ATG10: variants seen among roughly 807,000 people sequenced by gnomAD.
The protein encoded by ATG10 is ubiquitin-like-conjugating enzyme ATG10.
ATG10 carries 30 observed loss-of-function variants against 32.1 expected under a neutral mutation model. The ratio of observed to expected loss-of-function variants is 0.94; its 90% CI spans 0.70 to 1.27. The LOEUF (loss-of-function observed/expected upper bound fraction) is 1.27, where lower values mean the gene tolerates loss of function less well. Among genes scored for constraint, ATG10 ranks in the 50% most tolerant of loss-of-function variants. ATG10 has a pLI of 0.00. For synonymous variants in ATG10, 87 were observed against 91.5 expected (o/e 0.95, Z 0.28); for missense variants, 233 against 262.3 (o/e 0.89, Z 0.77).
chr5:82,222,735 CA>C (rs748860039), intron 5 of ATG10, among the ~76,000 whole-genome samples: 19 of 152,264 alleles, frequency 1.2e-4, no homozygotes, highest in Admixed American at 2.0e-4. Flanking sequence ...GAGATTGCCC[CA>C]GGTCTGGGAA....
chr5:82,098,455 C>T (rs531906701), intron 3 of ATG10, among the ~76,000 whole-genome samples: 22 of 151,824 alleles, frequency 1.4e-4, no homozygotes, highest in Middle Eastern at 3.4e-3. Flanking sequence ...GGATTGCAGG[C>T]GCCCACCACC....
intron 5 of ATG10, among the ~76,000 whole-genome samples, chr5:82,224,350 A>G (rs1746037159): frequency 6.6e-6 from 1 of 152,242 alleles, no homozygotes; most frequent in African/African-American, 2.4e-5. Flanking sequence ...TATTTAAACC[A>G]CATGCAACAT....
rs759326059 is a variant in ATG10 at position 82,058,498 on chromosome 5, TG to T, written c.113del (p.Cys38PhefsTer18). 2.1e-5 allele frequency: 34 copies of T among 1,610,666 alleles called. No homozygotes were observed. The highest frequency in any genetic ancestry group is 2.9e-5 in the Non-Finnish European group (34 of 1,177,424). The part of the protein sequence containing the change: ...DSWEWRPSKD[C>X]SDGYMCKIHF... ...ATTTTTTGGTGATGAAACACAGGAC[TG>T]TTCTGATGGCTACATGTGCAAAATA... On this transcript the variant is annotated frameshift_variant, in exon 3 of 8. Transcript: ENST00000282185. LOFTEE classifies it high-confidence loss of function.
At chr5:82,233,763 G>A (rs565526536) in intron 5 of ATG10, among the ~76,000 whole-genome samples, 11 of 152,228 alleles carry the variant, frequency 7.2e-5, no homozygotes, top group African/African-American at 2.6e-4. Flanking sequence ...TTACTATATA[G>A]GGGAGAGAAA....
intron 1 of ATG10, among the ~76,000 whole-genome samples, chr5:81,984,310 G>T (rs1027740610): frequency 1.3e-5 from 2 of 152,244 alleles, no homozygotes; most frequent in South Asian, 4.1e-4. Flanking sequence ...GCCTGCAATC[G>T]CAGGCACTCC....
intron 2 of ATG10, among the ~76,000 whole-genome samples, chr5:82,012,424 TTTTGTGA>T (rs754090040): frequency 3.3e-5 from 5 of 152,238 alleles, no homozygotes; most frequent in Non-Finnish European, 5.9e-5. Context: ...TGGTACTTTC[TTTTGTGA>T]TTTTTATGGC....
chr5:82,009,973 T>G (rs1239804975), intron 2 of ATG10: 1 of 1,611,544 alleles, frequency 6.2e-7, no homozygotes, highest in African/African-American at 1.3e-5. Flanking sequence ...TTCTCTCCAG[T>G]GCTCAGAGCA....
intron 5 of ATG10, among the ~76,000 whole-genome samples, chr5:82,217,038 G>C (rs926908416): frequency 7.0e-6 from 1 of 143,450 alleles, no homozygotes; most frequent in Admixed American, 6.9e-5. Context: ...CTGGGTGACA[G>C]AGTGAGACTC....
intron 3 of ATG10, among the ~76,000 whole-genome samples, chr5:82,113,471 C>T (rs561995398): frequency 1.3e-5 from 2 of 152,004 alleles, no homozygotes; most frequent in Admixed American, 6.6e-5. Flanking sequence ...ATAAAATTAT[C>T]TGCCATAACT....
chr5:82,159,513 C>A (rs545181171), intron 3 of ATG10, among the ~76,000 whole-genome samples: 32 of 152,144 alleles, frequency 2.1e-4, no homozygotes, highest in African/African-American at 7.5e-4. Flanking sequence ...GAATTCTCTT[C>A]ATTCTGTGTT....
intron 2 of ATG10, among the ~76,000 whole-genome samples, chr5:82,020,495 G>T (rs1390058312): frequency 6.6e-6 from 1 of 152,182 alleles, no homozygotes; most frequent in African/African-American, 2.4e-5. Flanking sequence ...CAAACGTAGT[G>T]ACTTAAAACA....
At chr5:82,203,733 T>G (rs1745172018) in intron 5 of ATG10, among the ~76,000 whole-genome samples, 1 of 152,178 alleles carries the variant, frequency 6.6e-6, no homozygotes, top group East Asian at 1.9e-4. Context: ...CTGTTTGTTC[T>G]GTCTTTTTGA....
chr5:82,162,850 G>GGT (rs1451011761), intron 3 of ATG10, among the ~76,000 whole-genome samples: 42 of 149,596 alleles, frequency 2.8e-4, no homozygotes, highest in Non-Finnish European at 4.6e-4. Flanking sequence ...GTGGGGAGGA[G>GGT]GTGTGTGTGT....
chr5:82,098,431 CT>C (rs1765144893), intron 3 of ATG10, among the ~76,000 whole-genome samples: 1 of 151,716 alleles, frequency 6.6e-6, no homozygotes, highest in Non-Finnish European at 1.5e-5. Context: ...CTGCCTCAGC[CT>C]CCCGAGTAGC....
intron 2 of ATG10, among the ~76,000 whole-genome samples, chr5:82,016,148 A>G (rs957743647): frequency 3.3e-5 from 5 of 152,110 alleles, no homozygotes; most frequent in African/African-American, 1.2e-4. Flanking sequence ...TGGTCATTAA[A>G]TCTTTGTCTA....
At chr5:82,230,732 C>CAAAAA (rs397881697) in intron 5 of ATG10, among the ~76,000 whole-genome samples, 21 of 58,772 alleles carry the variant, frequency 3.6e-4, no homozygotes, top group South Asian at 8.3e-4. Context: ...GACTCCGTCT[C>CAAAAA]AAAAAAAAAA....
intron 2 of ATG10, among the ~76,000 whole-genome samples, chr5:81,994,489 C>A (rs1260836566): frequency 1.3e-5 from 2 of 152,088 alleles, no homozygotes; most frequent in South Asian, 2.1e-4. Context: ...GAAACCAGAT[C>A]CCAAAGCAGG....
At chr5:82,226,481 A>G (rs1281235442) in intron 5 of ATG10, among the ~76,000 whole-genome samples, 1 of 152,196 alleles carries the variant, frequency 6.6e-6, no homozygotes, top group Non-Finnish European at 1.5e-5. Context: ...CAATCCTATT[A>G]CCAAAAGATT....
At chr5:82,007,750 A>G (rs931854348) in intron 2 of ATG10, among the ~76,000 whole-genome samples, 2 of 152,136 alleles carry the variant, frequency 1.3e-5, no homozygotes, top group African/African-American at 2.4e-5. Context: ...CCACTGTGAC[A>G]GGCTGGAATT....
Sources: gnomAD v4.1 joint callset for allele counts (sites outside exome capture counted in the v4.1 genomes callset) on GRCh38, gnomAD v4.1.1 for gene constraint, MANE v1.5 for transcripts, NCBI Gene and HGNC (gene_info 2026-07-23, HGNC 2026-07-21) for gene names.